The following PHACTR2 variants were observed in gnomAD, a reference collection of about 807,000 sequenced individuals.
PHACTR2 encodes the protein chromosome 6 open reading frame 56.
Under a neutral mutation model 76.0 loss-of-function variants are expected in PHACTR2, and 30 were observed. The observed-to-expected ratio is 0.39, with a 90% CI of 0.30 to 0.54. PHACTR2 has a LOEUF of 0.54. Ranked by LOEUF, PHACTR2 falls within the 20% of genes least tolerant of loss-of-function variation. The pLI is 0.61. For synonymous variants in PHACTR2, 292 were observed against 292.5 expected (o/e 1.00, Z 0.02); for missense variants, 696 against 781.1 (o/e 0.89, Z 1.30).
chr6:143,747,271 A>G (rs993487940), intron 2 of PHACTR2, among the ~76,000 whole-genome samples: 1 of 152,174 alleles, frequency 6.6e-6, no homozygotes, highest in Non-Finnish European at 1.5e-5. Context: ...CACAATTTCT[A>G]TTATCAGAAA....
intron 1 of PHACTR2, among the ~76,000 whole-genome samples, chr6:143,629,626 T>C (rs1776325781): frequency 6.6e-6 from 1 of 152,110 alleles, no homozygotes; most frequent in African/African-American, 2.4e-5. Flanking sequence ...TGCTCCACCG[T>C]GTAGGTGGCC....
At chr6:143,699,978 C>A (rs1777867235) in intron 1 of PHACTR2, among the ~76,000 whole-genome samples, 1 of 152,174 alleles carries the variant, frequency 6.6e-6, no homozygotes, top group Admixed American at 6.5e-5. Flanking sequence ...GGTTTCATGT[C>A]TGCCTTGGGG....
intron 2 of PHACTR2, among the ~76,000 whole-genome samples, chr6:143,724,414 G>A (rs375538077): frequency 1.3e-5 from 2 of 152,204 alleles, no homozygotes; most frequent in East Asian, 1.9e-4. Context: ...TTACAGGCAT[G>A]AGCCACCGCG....
chr6:143,721,268 G>A (rs1004527638), intron 2 of PHACTR2, among the ~76,000 whole-genome samples: 2 of 152,144 alleles, frequency 1.3e-5, no homozygotes, highest in African/African-American at 4.8e-5. Flanking sequence ...CTCTGGTACT[G>A]CATTTTTAGA....
rs778258241 is a variant in PHACTR2, at chr6:143,578,830, G to A, written c.217+41623G>A. On this transcript the variant is annotated intron_variant, in intron 1 of 11. Transcript: ENST00000367584. This position sits in a 1 kb window ranked among gnomAD's most constrained non-coding sequence, Gnocchi z 4.5. ...GAAGACGATGACCAAGTGGAATAAC[G>A]TATTTTCAAAAATGCCTATTGTGAT... Among the ~76,000 whole-genome samples, 7 of 152,108 alleles carry A rather than the reference G, an allele frequency of 4.6e-5. No homozygotes were observed. The highest frequency in any genetic ancestry group is 1.3e-4 in the Admixed American group (2 of 15,268).
At chr6:143,613,224 C>A (rs1371802056) in intron 1 of PHACTR2, among the ~76,000 whole-genome samples, 1 of 152,274 alleles carries the variant, frequency 6.6e-6, no homozygotes, top group Non-Finnish European at 1.5e-5. Flanking sequence ...ATCCACCCGC[C>A]TCGGCCTCCC....
At chr6:143,796,381 TTC>T (rs1481168763) in intron 11 of PHACTR2, among the ~76,000 whole-genome samples, 1 of 26,160 alleles carries the variant, frequency 3.8e-5, no homozygotes, top group South Asian at 1.1e-3. Flanking sequence ...TCTTTTTCTT[TTC>T]TTTCTTTCTT....
intron 5 of PHACTR2, among the ~76,000 whole-genome samples, chr6:143,762,209 C>T (rs1779459204): frequency 6.6e-6 from 1 of 152,164 alleles, no homozygotes; most frequent in African/African-American, 2.4e-5. Flanking sequence ...GAATTAAGCT[C>T]CTGTCTTGCA....
chr6:143,712,010 A>T lies in PHACTR2; in HGVS notation c.47-6A>T, dbSNP rs2128461007. The T allele has an allele frequency of 6.3e-7, 1 of 1,598,944 alleles. No individual in the cohort carries two copies. Among genetic ancestry groups the T allele is most frequent in the Non-Finnish European group, 8.5e-7 (1 of 1,172,634 alleles). ...CCTTTCTCTGTCTATATCTTTCTTT[A>T]TACAGTTGACGGACTGGACAAAGCT... On this transcript the variant is annotated splice_region_variant and splice_polypyrimidine_tract_variant and intron_variant, in intron 1 of 12. Coordinates refer to ENST00000440869, the MANE Select transcript of PHACTR2 (RefSeq NM_001100164.2).
rs1475794585 is a variant in PHACTR2, at chr6:143,809,804, T to G, written c.1922+2671T>G. 6.6e-6 allele frequency among the ~76,000 whole-genome samples: 1 copy of G among 152,130 alleles called. No homozygotes were observed. The highest frequency in any genetic ancestry group is 1.5e-5 in the Non-Finnish European group (1 of 68,024). On this transcript the variant is annotated intron_variant, in intron 12 of 12. Coordinates refer to ENST00000440869, the MANE Select transcript of PHACTR2 (RefSeq NM_001100164.2). The surrounding 1 kb of genome is among the most constrained non-coding windows in gnomAD (Gnocchi z 4.2). Reference sequence around the variant, plus strand: ...ACATAAACACAGCATCTAAGAAATCTTTCTATAATAATATATATCTCATTC... The same window carrying G: ...ACATAAACACAGCATCTAAGAAATCGTTCTATAATAATATATATCTCATTC...
rs1269181002 is a variant in PHACTR2, at chr6:143,753,685, A to G, written c.296-69A>G. ...ACATGAATCTAAATTTTACAATCCT[A>G]GTAACTGGAAAACTTGTTTTTAAGA... On this transcript the variant is annotated intron_variant, in intron 3 of 12. Transcript: ENST00000440869. The surrounding 1 kb of genome is among the most constrained non-coding windows in gnomAD (Gnocchi z 4.6). 9.1e-7 allele frequency: 1 copy of G among 1,101,822 alleles called. No homozygotes were observed. Among genetic ancestry groups the G allele is most frequent in the Admixed American group, 2.4e-5 (1 of 40,954 alleles). 68.3% of individuals were successfully genotyped at this position (1,101,822 alleles called of 1,614,324 possible).
chr6:143,795,135 G>A lies in PHACTR2; in HGVS notation c.1845+6225G>A, dbSNP rs1327395742. Among the ~76,000 whole-genome samples, 2 of 152,054 alleles carry A rather than the reference G, an allele frequency of 1.3e-5. No individual in the cohort carries two copies. The highest frequency in any genetic ancestry group is 2.9e-5 in the Non-Finnish European group (2 of 68,012). On this transcript the variant is annotated intron_variant, in intron 11 of 12. Transcript: ENST00000440869. The surrounding 1 kb of genome is among the most constrained non-coding windows in gnomAD (Gnocchi z 4.8). ...ACCTTTAAAATAAAATTTTCAGGTC[G>A]GGGCACAATGACTCACACTTGTAAT...
rs1425263265 is a variant in PHACTR2, at chr6:143,656,503, A to C, written c.13+48181A>C. Among the ~76,000 whole-genome samples the C allele has an allele frequency of 6.6e-6, 1 of 152,060 alleles. No homozygotes were observed. The highest frequency in any genetic ancestry group is 1.5e-5 in the Non-Finnish European group (1 of 68,024). ...TTTGTTTTGGGCTGCATTCAAAGCC[A>C]TCCTGGGCTGTGTGTGTCCCACAGG... On this transcript the variant is annotated intron_variant, in intron 1 of 11. Coordinates refer to the PHACTR2 transcript ENST00000305766. The surrounding 1 kb of genome is among the most constrained non-coding windows in gnomAD (Gnocchi z 5.3).
chr6:143,774,118 C>G lies in PHACTR2; in HGVS notation c.1492C>G (p.Pro498Ala), dbSNP rs1171340660. ...TCTTGCTATCAAACTTGGCAACAGACCATCTAAGAAAGAACTAGAGGACAA... is the reference window on the plus strand; with the variant it reads ...TCTTGCTATCAAACTTGGCAACAGAGCATCTAAGAAAGAACTAGAGGACAA... ...DTLAIKLGNR[P>A]SKKELEDKNI... Residue 498 changes from proline (P) to alanine (A), a missense_variant, in exon 8 of 13, where the codon CCA becomes GCA. Pro to Ala is a conservative substitution (Grantham distance 27, BLOSUM62 -1). Transcript: ENST00000440869. This position sits in a 1 kb window ranked among gnomAD's most constrained non-coding sequence, Gnocchi z 5.4. 6.2e-7 allele frequency: 1 copy of G among 1,613,556 alleles called. No homozygotes were observed. Among genetic ancestry groups the G allele is most frequent in the Non-Finnish European group, 8.5e-7 (1 of 1,179,492 alleles).
intron 2 of PHACTR2, among the ~76,000 whole-genome samples, chr6:143,721,896 G>A (rs950262986): frequency 6.6e-6 from 1 of 152,146 alleles, no homozygotes; most frequent in Non-Finnish European, 1.5e-5. Context: ...TCCACAGGGT[G>A]CCTGTGCATC....
chr6:143,731,310 G>A lies in PHACTR2; in HGVS notation c.215-17675G>A, dbSNP rs904400930. On this transcript the variant is annotated intron_variant, in intron 2 of 12. Coordinates refer to ENST00000440869, the MANE Select transcript of PHACTR2 (RefSeq NM_001100164.2). The surrounding 1 kb of genome is among the most constrained non-coding windows in gnomAD (Gnocchi z 4.9). ...TTTGTTTTGTTTTGTTTTTTGAGAC[G>A]GAGTTTCGCTCTTGTTGCCCAGGCT... is the stretch of plus-strand genomic sequence containing the variant. Among the ~76,000 whole-genome samples, 1 of 151,604 alleles carries A rather than the reference G, an allele frequency of 6.6e-6. No homozygotes were observed. Among genetic ancestry groups the A allele is most frequent in the South Asian group, 2.1e-4 (1 of 4,794 alleles).
In PHACTR2 at chr6:143,783,085, C is replaced by G; in HGVS notation, c.1646-134C>G. On this transcript the variant is annotated intron_variant, in intron 9 of 12. Transcript: ENST00000440869. The surrounding 1 kb of genome is among the most constrained non-coding windows in gnomAD (Gnocchi z 5.2). ...TCAACCTTCCTACAAAATATTTTGA[C>G]AACTTTTTAACAATGTTGGTTGTGT... 1 of 547,426 alleles carries G rather than the reference C, an allele frequency of 1.8e-6. No homozygotes were observed. Among genetic ancestry groups the G allele is most frequent in the South Asian group, 2.0e-5 (1 of 48,920 alleles). 33.9% of individuals were successfully genotyped at this position (547,426 alleles called of 1,614,324 possible).
intron 1 of PHACTR2, among the ~76,000 whole-genome samples, chr6:143,622,756 A>T (rs1408656363): frequency 1.3e-5 from 2 of 152,228 alleles, no homozygotes; most frequent in Non-Finnish European, 2.9e-5. Context: ...TTTGACATTA[A>T]ACCAAATTTA....
In PHACTR2 at chr6:143,659,213, A is replaced by G. The variant is rs892190336; in HGVS notation, c.13+50891A>G. The stretch of plus-strand genomic sequence containing the variant: ...TACACTTAGCCTACACTAAATTTAT[A>G]TTTAAAATTTCTTTTCCTAATAATA... On this transcript the variant is annotated intron_variant, in intron 1 of 11. Coordinates refer to the PHACTR2 transcript ENST00000305766. The surrounding 1 kb of genome is among the most constrained non-coding windows in gnomAD (Gnocchi z 5.0). 6.6e-6 allele frequency among the ~76,000 whole-genome samples: 1 copy of G among 152,200 alleles called. No individual in the cohort carries two copies. The highest frequency in any genetic ancestry group is 1.5e-5 in the Non-Finnish European group (1 of 68,028).
Sources: allele counts gnomAD v4.1 joint callset (sites outside exome capture counted in the v4.1 genomes callset), GRCh38; gene constraint gnomAD v4.1.1; non-coding constraint Gnocchi (gnomAD v3.1); transcripts MANE v1.5; gene names NCBI Gene and HGNC (gene_info 2026-07-23, HGNC 2026-07-21).